The following GRB7 variants were observed in gnomAD, a reference collection of about 807,000 sequenced individuals.
The protein encoded by GRB7 is growth factor receptor bound protein 7.
Under a neutral mutation model 64.1 loss-of-function variants are expected in GRB7, and 47 were observed. That is an observed-to-expected ratio of 0.73 (90% CI 0.58 to 0.94). GRB7 has a LOEUF of 0.94. Among genes scored for constraint, GRB7 ranks in the 40% least tolerant of loss-of-function variants. The pLI is 0.00. For missense variants in GRB7, 634 were observed against 718.4 expected (o/e 0.88, Z 1.34); for synonymous variants, 277 against 279.9 (o/e 0.99, Z 0.10).
chr17:39,740,138 G>C (rs2059982844), intron 1 of GRB7: 1 of 985,696 alleles, frequency 1.0e-6, no homozygotes. Context: ...CTGCAGCCTG[G>C]AATGAAGTCA....
Position 39,744,987 on chromosome 17 carries a change from G to T in GRB7, c.1011+3G>T. 6.2e-7 allele frequency: 1 copy of T among 1,610,102 alleles called. No homozygotes were observed. The highest frequency in any genetic ancestry group is 8.5e-7 in the Non-Finnish European group (1 of 1,176,912). On this transcript the variant is annotated splice_donor_region_variant and intron_variant, in intron 9 of 14. Coordinates refer to ENST00000309156, the MANE Select transcript of GRB7 (RefSeq NM_005310.5). ...TGGCTGCCTTCCGCCTCTTCAAGGT[G>T]AGACCCTGGGAGTGGCATGGGGGGC...
chr17:39,741,918 G>A (rs1229779697), intron 1 of GRB7, among the ~76,000 whole-genome samples: 2 of 140,062 alleles, frequency 1.4e-5, no homozygotes, highest in African/African-American at 5.4e-5. Context: ...GTTAAGGCAC[G>A]AGAATTACTT....
intron 1 of GRB7, chr17:39,739,002 G>A: frequency 7.4e-7 from 1 of 1,357,842 alleles, no homozygotes; most frequent in Non-Finnish European, 1.0e-6. Context: ...TCTGCAGTGC[G>A]GTGGGGCCTG....
At position 39,742,698 on chromosome 17, in the gene GRB7, C is replaced by T. The variant is rs1028922208; in HGVS notation, c.288C>T (p.Arg96=). 5.8e-6 allele frequency: 9 copies of T among 1,564,938 alleles called. No individual in the cohort carries two copies. Among genetic ancestry groups the T allele is most frequent in the South Asian group, 1.2e-5 (1 of 84,438 alleles). ...GPSSARGLLP[R]DASRPHVVKV... ...CCAGTGCAAGGGGGCTGCTCCCCCG[C>T]GATGCCAGCCGCCCCCATGTGAGTT... The change falls in exon 3 of 15, where the codon CGC becomes CGT. Residue 96 remains arginine, a synonymous_variant. Coordinates refer to ENST00000309156, the MANE Select transcript of GRB7 (RefSeq NM_005310.5).
Position 39,742,716 on chromosome 17 carries a change from T to C in GRB7, c.306T>C (p.His102=). The C allele has an allele frequency of 1.3e-6, 2 of 1,554,288 alleles. No homozygotes were observed. The highest frequency in any genetic ancestry group is 1.7e-6 in the Non-Finnish European group (2 of 1,150,682). The change falls in exon 3 of 15, where the codon CAT becomes CAC. Residue 102 remains histidine (H), a splice_region_variant and synonymous_variant. Coordinates refer to ENST00000309156, the MANE Select transcript of GRB7 (RefSeq NM_005310.5). ...TCCCCCGCGATGCCAGCCGCCCCCATGTGAGTTGTCCCTCAGAAGGGAAGG... is the reference window on the plus strand; with the variant it reads ...TCCCCCGCGATGCCAGCCGCCCCCACGTGAGTTGTCCCTCAGAAGGGAAGG... ...GLLPRDASRP[H]VVKVYSEDGA...
Position 39,745,295 on chromosome 17 carries a change from A to C in GRB7, c.1064A>C (p.His355Pro). ...CAGCAGGCACAGTCTCGCCATCTGC[A>C]TCCATCTTGTTTGGGCTCCCCACCC... is the stretch of plus-strand genomic sequence containing the variant. ...NYQQAQSRHLHPSCLGSPPLR... is the reference protein window; with the variant it reads ...NYQQAQSRHLPPSCLGSPPLR... The change falls in exon 10 of 15, where the codon CAT (histidine) becomes CCT (proline). Residue 355 changes from histidine (H) to proline (P), a missense_variant. Transcript: ENST00000309156. The C allele has an allele frequency of 6.2e-7, 1 of 1,612,752 alleles. No homozygotes were observed. Among genetic ancestry groups the C allele is most frequent in the Non-Finnish European group, 8.5e-7 (1 of 1,179,254 alleles).
rs117902989 is a variant in GRB7 at position 39,742,875 on chromosome 17, C to T, written c.307-23C>T. 4.3e-3 allele frequency: 6,647 copies of T among 1,561,568 alleles called. 14 individuals carry two copies. Among genetic ancestry groups the T allele is most frequent in the Non-Finnish European group, 5.3e-3 (6,073 of 1,149,754 alleles). On this transcript the variant is annotated intron_variant, in intron 3 of 14. Transcript: ENST00000309156. ...AATCACCCTTTGCCTCCCCTCAAGT[C>T]GTGTGCAATTCCTGGGGCGCAGGTA...
Position 39,742,906 on chromosome 17 carries a change from G to T in GRB7, c.315G>T (p.Lys105Asn). Residue 105 changes from lysine (K) to asparagine (N), a missense_variant, in exon 4 of 15, where the codon AAG (lysine) becomes AAT (asparagine). Coordinates refer to ENST00000309156, the MANE Select transcript of GRB7 (RefSeq NM_005310.5). ...CAATTCCTGGGGCGCAGGTAGTAAA[G>T]GTGTACAGTGAGGATGGGGCCTGCA... ...PRDASRPHVV[K>N]VYSEDGACRS... The T allele has an allele frequency of 6.3e-7, 1 of 1,596,848 alleles. No homozygotes were observed. The highest frequency in any genetic ancestry group is 8.5e-7 in the Non-Finnish European group (1 of 1,170,806).
Position 39,743,447 on chromosome 17 carries a change from A to G in GRB7, c.640A>G (p.Ile214Val), listed in dbSNP as rs1385997012. ...VSSCLDAHTG[I>V]SHEDLIQNFL... ...CAGCTGTCTCGATGCACACACTGGT[A>G]TATCCCATGAAGACCTCATCCAGGT... The change falls in exon 6 of 15, where the codon ATA becomes GTA. Residue 214 changes from isoleucine (I) to valine (V), a missense_variant. By Grantham distance (29) the Ile-to-Val change is conservative (BLOSUM62 3). This residue lies in a region of GRB7 where 467 missense variants were observed against 576.6 expected (regional missense o/e 0.81). Coordinates refer to ENST00000309156, the MANE Select transcript of GRB7 (RefSeq NM_005310.5). 1.2e-6 allele frequency: 2 copies of G among 1,614,118 alleles called. No homozygotes were observed. Among genetic ancestry groups the G allele is most frequent in the South Asian group, 1.1e-5 (1 of 91,086 alleles).
chr17:39,744,123 G>A lies in GRB7; in HGVS notation c.717G>A (p.Arg239=), dbSNP rs1400818484. 2 of 1,614,064 alleles carry A rather than the reference G, an allele frequency of 1.2e-6. No individual in the cohort carries two copies. The highest frequency in any genetic ancestry group is 1.7e-5 in the Admixed American group (1 of 59,998). ...FPEIQGFLQL[R]GSGRKLWKRF... The stretch of plus-strand genomic sequence containing the variant: ...AGATCCAGGGCTTTCTGCAGCTGCG[G>A]GGTTCAGGACGGAAGCTTTGGAAAC... Residue 239 remains arginine, a synonymous_variant, in exon 7 of 15, where the codon CGG becomes CGA. Coordinates refer to ENST00000309156, the MANE Select transcript of GRB7 (RefSeq NM_005310.5).
chr17:39,746,504 T>C (rs558670358), intron 14 of GRB7, among the ~76,000 whole-genome samples: 1 of 151,460 alleles, frequency 6.6e-6, no homozygotes, highest in Non-Finnish European at 1.5e-5. Context: ...GTAGTCCAGC[T>C]ACTCAGGAGG....
intron 1 of GRB7, among the ~76,000 whole-genome samples, chr17:39,739,374 C>T (rs1418662922): frequency 2.0e-5 from 3 of 152,342 alleles, no homozygotes; most frequent in Admixed American, 1.3e-4. Flanking sequence ...GGTATTTTTC[C>T]TGAGTGAGAG....
At chr17:39,746,028 C>A in intron 13 of GRB7, 28 bp downstream of exon 13, 1 of 1,613,296 alleles carries the variant, frequency 6.2e-7, no homozygotes, top group African/African-American at 1.3e-5. Flanking sequence ...GCAACAGACC[C>A]AGGGATAAGA....
At chr17:39,740,929 T>C (rs778530867) in intron 1 of GRB7, among the ~76,000 whole-genome samples, 31 of 152,114 alleles carry the variant, frequency 2.0e-4, no homozygotes, top group Non-Finnish European at 3.4e-4. Context: ...GGCCTCATAG[T>C]ACTGGCCCAG....
chr17:39,744,746 C>A, intron 8 of GRB7, 83 bp downstream of exon 8: 1 of 1,370,526 alleles, frequency 7.3e-7, no homozygotes, highest in Non-Finnish European at 1.0e-6. Flanking sequence ...GGCTTCTGAG[C>A]CCCAATTCAG....
In GRB7 at chr17:39,743,978, CAAAAAG is replaced by C. The variant is rs375723176; in HGVS notation, c.664-78_664-73del. 3,198 of 1,533,316 alleles carry C rather than the reference CAAAAAG, an allele frequency of 2.1e-3. 27 individuals are homozygous for C. The African/African-American group carries it at 0.03, about 15-fold the overall frequency. The allele number at this position is 1,533,316 out of a possible 1,614,324, so 95.0% of individuals were successfully genotyped here. A position where few individuals can be genotyped will look rare whatever the true frequency, so the allele number is the denominator to read the frequency against. On this transcript the variant is annotated intron_variant, in intron 6 of 14. Coordinates refer to ENST00000309156, the MANE Select transcript of GRB7 (RefSeq NM_005310.5). ...ACCGCACTAGCATGAGACCCTGTCTCAAAAAGAAAAAGAAAAAGAGAAACATCCTGG... is the reference window on the plus strand; with the variant it reads ...ACCGCACTAGCATGAGACCCTGTCTCAAAAAGAAAAAGAGAAACATCCTGG...
intron 7 of GRB7, 45 bp downstream of exon 7, chr17:39,744,252 C>T: frequency 6.2e-7 from 1 of 1,606,590 alleles, no homozygotes; most frequent in African/African-American, 1.3e-5. Context: ...AGTCCCTGGT[C>T]CTTTTAGAAG....
At position 39,747,212 on chromosome 17, in the gene GRB7, CT is replaced by C. The variant is rs1194013741; in HGVS notation, c.*318del. 1.2e-5 allele frequency: 5 copies of C among 407,664 alleles called. No homozygotes were observed. The highest frequency in any genetic ancestry group is 6.1e-5 in the African/African-American group (3 of 49,278). The allele number at this position is 407,664 out of a possible 1,614,324, so 25.3% of individuals were successfully genotyped here. On this transcript the variant is annotated 3_prime_UTR_variant, in exon 15 of 15. Transcript: ENST00000309156. Reference sequence around the variant, plus strand: ...AGCCCAGGCGGTTTCACGCCCCACACTTTGTACAGACCGAGAGGCCAGTTGA... The same window carrying C: ...AGCCCAGGCGGTTTCACGCCCCACACTTGTACAGACCGAGAGGCCAGTTGA...
chr17:39,746,766 C>T lies in GRB7; in HGVS notation c.1468C>T (p.Arg490Cys), dbSNP rs779126414. 2.3e-5 allele frequency: 37 copies of T among 1,613,944 alleles called. No homozygotes were observed. Among genetic ancestry groups the T allele is most frequent in the South Asian group, 9.9e-5 (9 of 91,090 alleles). The change falls in exon 15 of 15, where the codon CGC (arginine) becomes TGC (cysteine). Residue 490 changes from arginine to cysteine, a missense_variant. Physicochemically the swap from Arg to Cys is radical, Grantham distance 180 (BLOSUM62 -3). Coordinates refer to ENST00000309156, the MANE Select transcript of GRB7 (RefSeq NM_005310.5). Reference sequence around the variant, plus strand: ...TGTACCCCAGAGCGAGGAGGAGGGCCGCCTGTACTTCAGCATGGATGATGG... The same window carrying T: ...TGTACCCCAGAGCGAGGAGGAGGGCTGCCTGTACTTCAGCATGGATGATGG... ...YLILPSEEEGRLYFSMDDGQT... is the reference protein window; with the variant it reads ...YLILPSEEEGCLYFSMDDGQT...
Sources: allele counts gnomAD v4.1 joint callset (sites outside exome capture counted in the v4.1 genomes callset), GRCh38; gene constraint gnomAD v4.1.1; regional missense constraint gnomAD v4.1.1; transcripts MANE v1.5; gene names NCBI Gene and HGNC (gene_info 2026-07-23, HGNC 2026-07-21).